RANBP2: variants seen among roughly 807,000 people sequenced by gnomAD.
The protein encoded by RANBP2 is RAN binding protein 2, also known as E3 SUMO-protein ligase RanBP2.
In RANBP2, 57 loss-of-function variants were observed where a neutral mutation model predicts 303.6. The ratio of observed to expected loss-of-function variants is 0.19; its 90% CI spans 0.15 to 0.23. RANBP2 has a LOEUF of 0.23. Among genes scored for constraint, RANBP2 ranks in the 10% least tolerant of loss-of-function variants. The pLI is 1.00. For synonymous variants in RANBP2, 1,167 were observed against 1,301.5 expected (o/e 0.90, Z 2.23); for missense variants, 3,138 against 3,780.8 (o/e 0.83, Z 4.46).
chr2:109,682,600 A>C, the RANBP2 span, among the ~76,000 whole-genome samples: 4 of 152,290 alleles, frequency 2.6e-5, no homozygotes, highest in African/African-American at 9.6e-5. Flanking sequence ...GCCAAGGAGA[A>C]AAATTGTTCC....
At chr2:109,039,881 T>A in the RANBP2 span, among the ~76,000 whole-genome samples, 4 of 152,192 alleles carry the variant, frequency 2.6e-5, no homozygotes, top group African/African-American at 9.7e-5. Flanking sequence ...ATGATCTCTA[T>A]GCAGTGATAC....
the RANBP2 span, among the ~76,000 whole-genome samples, chr2:108,994,756 T>C: frequency 1.3e-5 from 2 of 149,582 alleles, no homozygotes; most frequent in Non-Finnish European, 3.0e-5. Flanking sequence ...GAAGTATGGG[T>C]CCATAGTATA....
At chr2:108,996,535 T>C in the RANBP2 span, among the ~76,000 whole-genome samples, 1 of 152,132 alleles carries the variant, frequency 6.6e-6, no homozygotes, top group African/African-American at 2.4e-5. Flanking sequence ...ACTTCAACAA[T>C]GAAATACATA....
At chr2:108,994,815 TATATATATATA>T in the RANBP2 span, among the ~76,000 whole-genome samples, 2 of 100,398 alleles carry the variant, frequency 2.0e-5, no homozygotes, top group Non-Finnish European at 3.7e-5. Flanking sequence ...TATATATATA[TATATATATATA>T]TATCTTTTTT....
the RANBP2 span, among the ~76,000 whole-genome samples, chr2:109,251,923 G>A: frequency 2.0e-5 from 3 of 152,090 alleles, no homozygotes; most frequent in South Asian, 2.1e-4. Flanking sequence ...TTCTTAAATC[G>A]GCAAAAGTAC....
At chr2:108,786,124 C>G (rs1678644963), downstream of RANBP2, among the ~76,000 whole-genome samples, 1 of 140,620 alleles carries the variant, frequency 7.1e-6, no homozygotes, top group African/African-American at 2.8e-5. Flanking sequence ...AAGCTTTTTT[C>G]TTTTCAAAAA....
chr2:108,976,194 C>T, the RANBP2 span, among the ~76,000 whole-genome samples: 1 of 152,198 alleles, frequency 6.6e-6, no homozygotes, highest in African/African-American at 2.4e-5. Flanking sequence ...TTAGGCTCTT[C>T]TTGGCTAACA....
the RANBP2 span, among the ~76,000 whole-genome samples, chr2:108,874,523 T>G: frequency 2.0e-5 from 3 of 152,210 alleles, no homozygotes; most frequent in African/African-American, 2.4e-5. Flanking sequence ...TTATTTTGAT[T>G]TAGGTTCAGC....
the RANBP2 span, among the ~76,000 whole-genome samples, chr2:109,273,218 A>G: frequency 2.0e-5 from 3 of 152,202 alleles, no homozygotes; most frequent in African/African-American, 7.2e-5. Context: ...GAATAATTGC[A>G]CAGTCGTCTG....
chr2:109,483,235 CAAAA>C, the RANBP2 span, among the ~76,000 whole-genome samples: 1 of 152,188 alleles, frequency 6.6e-6, no homozygotes, highest in Middle Eastern at 3.2e-3. Flanking sequence ...AAATAATAAT[CAAAA>C]AACTTCCAAG....
chr2:109,616,176 T>C, the RANBP2 span: 2 of 1,391,006 alleles, frequency 1.4e-6, no homozygotes, highest in Non-Finnish European at 1.9e-6. Context: ...GCATTCTTAC[T>C]TGAGGGATCG....
the RANBP2 span, among the ~76,000 whole-genome samples, chr2:109,097,970 T>C: frequency 6.6e-6 from 1 of 152,262 alleles, no homozygotes; most frequent in Non-Finnish European, 1.5e-5. Flanking sequence ...ACCAGTACCA[T>C]AAAGGCCACG....
At chr2:109,171,144 G>A in the RANBP2 span, among the ~76,000 whole-genome samples, 2 of 152,034 alleles carry the variant, frequency 1.3e-5, no homozygotes, top group Non-Finnish European at 2.9e-5. Flanking sequence ...GATCATTCAG[G>A]TTTTGTTTTG....
At chr2:109,521,444 G>T in the RANBP2 span, among the ~76,000 whole-genome samples, 1 of 152,162 alleles carries the variant, frequency 6.6e-6, no homozygotes, top group African/African-American at 2.4e-5. Flanking sequence ...TAGCACCACC[G>T]AGCTGGGGCA....
the RANBP2 span, among the ~76,000 whole-genome samples, chr2:109,147,155 G>A: frequency 6.6e-6 from 1 of 152,130 alleles, no homozygotes; most frequent in African/African-American, 2.4e-5. Flanking sequence ...AAAAGACAGA[G>A]GTTGGCTGGC....
chr2:109,236,865 C>T, the RANBP2 span, among the ~76,000 whole-genome samples: 8 of 152,270 alleles, frequency 5.3e-5, no homozygotes, highest in South Asian at 2.1e-4. Context: ...GGCTGTGAAA[C>T]GCTGCAGTGA....
At chr2:108,857,452 C>A in the RANBP2 span, among the ~76,000 whole-genome samples, 1 of 152,128 alleles carries the variant, frequency 6.6e-6, no homozygotes, top group African/African-American at 2.4e-5. Flanking sequence ...TAGGTAACTT[C>A]TCCAGGGATT....
the RANBP2 span, among the ~76,000 whole-genome samples, chr2:109,051,970 G>C: frequency 1.3e-5 from 2 of 152,032 alleles, no homozygotes; most frequent in Non-Finnish European, 2.9e-5. Flanking sequence ...GGATGGTCTC[G>C]ATCTCCTGAC....
At chr2:109,321,441 G>T in the RANBP2 span, among the ~76,000 whole-genome samples, 1 of 152,208 alleles carries the variant, frequency 6.6e-6, no homozygotes, top group South Asian at 2.1e-4. Context: ...GTTGAATTTT[G>T]ATTATCAGCT....
Sources: gnomAD v4.1 joint callset for allele counts (sites outside exome capture counted in the v4.1 genomes callset) on GRCh38, gnomAD v4.1.1 for gene constraint, MANE v1.5 for transcripts, NCBI Gene and HGNC (gene_info 2026-07-23, HGNC 2026-07-21) for gene names.